MYO16: variants seen among roughly 807,000 people sequenced by gnomAD.
The protein encoded by MYO16 is unconventional myosin-XVI.
In MYO16, 94 loss-of-function variants were observed where a neutral mutation model predicts 205.3. That is an observed-to-expected ratio of 0.46 (90% confidence interval 0.39 to 0.54). The LOEUF (loss-of-function observed/expected upper bound fraction) is 0.54. MYO16 is among the 20% of genes least tolerant of loss of function. The pLI, the probability that MYO16 is intolerant of heterozygous loss-of-function variation, is 0.00. For synonymous variants in MYO16, 988 were observed against 954.0 expected (o/e 1.04, Z -0.66); for missense variants, 2,315 against 2,387.5 (o/e 0.97, Z 0.63).
intron 1 of MYO16, among the ~76,000 whole-genome samples, chr13:108,605,724 T>A (rs1050908855): frequency 6.6e-6 from 1 of 152,190 alleles, no homozygotes; most frequent in African/African-American, 2.4e-5. Context: ...CAGTTTGGGG[T>A]ATTTCTTCAT....
At chr13:108,555,359 TATG>T in the MYO16 span, among the ~76,000 whole-genome samples, 1 of 152,220 alleles carries the variant, frequency 6.6e-6, no homozygotes, top group African/African-American at 2.4e-5. Flanking sequence ...TTGTGTACAA[TATG>T]ATGTTTTGAA....
At chr13:108,877,669 A>G (rs185049952) in intron 12 of MYO16, among the ~76,000 whole-genome samples, 1 of 152,174 alleles carries the variant, frequency 6.6e-6, no homozygotes, top group African/African-American at 2.4e-5. Flanking sequence ...TTTAGTTTAT[A>G]TTTTTGCCCG....
At chr13:109,001,212 G>A (rs1026891887) in intron 21 of MYO16, among the ~76,000 whole-genome samples, 14 of 151,630 alleles carry the variant, frequency 9.2e-5, no homozygotes, top group African/African-American at 3.4e-4. Context: ...AAGAGAAGGG[G>A]ATTGGGAAAT....
intron 16 of MYO16, among the ~76,000 whole-genome samples, chr13:108,929,108 A>G (rs1427498375): frequency 6.6e-6 from 1 of 152,246 alleles, no homozygotes; most frequent in Non-Finnish European, 1.5e-5. Context: ...TTAACTGTAA[A>G]TGAAATTTTT....
intron 27 of MYO16, among the ~76,000 whole-genome samples, chr13:109,088,021 A>C (rs1888493317): frequency 6.6e-6 from 1 of 152,218 alleles, no homozygotes; most frequent in Non-Finnish European, 1.5e-5. Flanking sequence ...AAAGATATCG[A>C]TTTGAATGTA....
intron 20 of MYO16, among the ~76,000 whole-genome samples, chr13:108,967,688 C>T (rs138459239): frequency 1.3e-5 from 2 of 152,076 alleles, no homozygotes; most frequent in Admixed American, 1.3e-4. Context: ...AAAATAATAA[C>T]AGTAATAAAA....
chr13:108,879,199 G>A (rs1256374977), intron 12 of MYO16, among the ~76,000 whole-genome samples: 1 of 152,180 alleles, frequency 6.6e-6, no homozygotes, highest in African/African-American at 2.4e-5. Context: ...TGTAAGTGAA[G>A]ACATACAGTG....
At chr13:109,152,207 C>A (rs1429042843) in intron 32 of MYO16, among the ~76,000 whole-genome samples, 1 of 152,160 alleles carries the variant, frequency 6.6e-6, no homozygotes, top group African/African-American at 2.4e-5. Flanking sequence ...ACAAAGTCCC[C>A]TTAGATTTTT....
In MYO16 at chr13:109,022,554, A is replaced by G. The variant is rs908291484; in HGVS notation, c.2796+2643A>G. Among the ~76,000 whole-genome samples, 28 of 130,028 alleles carry G rather than the reference A, an allele frequency of 2.2e-4. 2 individuals are homozygous for G. The highest frequency in any genetic ancestry group is 1.6e-3 in the South Asian group (6 of 3,790). 85.3% of individuals were successfully genotyped at this position (130,028 alleles called of 152,430 possible). A position where few individuals can be genotyped will look rare whatever the true frequency, so the allele number is the denominator to read the frequency against. ...AATATAAACATATGTATATATTTCT[A>G]TATTCTACATACACATATAAACATA... is the stretch of plus-strand genomic sequence containing the variant. On this transcript the variant is annotated intron_variant, in intron 23 of 34. Coordinates refer to ENST00000457511, the MANE Select transcript of MYO16 (RefSeq NM_001198950.3).
intron 24 of MYO16, among the ~76,000 whole-genome samples, chr13:109,050,035 G>C (rs111230495): frequency 3.3e-5 from 5 of 149,518 alleles, no homozygotes; most frequent in African/African-American, 1.2e-4. Flanking sequence ...AAATAGTTTG[G>C]TGCCCACCCT....
chr13:109,100,809 C>T lies in MYO16; in HGVS notation c.3360C>T (p.Phe1120=), dbSNP rs1164839466. The change falls in exon 28 of 35, where the codon TTC becomes TTT. Residue 1120 remains phenylalanine, a synonymous_variant. Coordinates refer to ENST00000457511, the MANE Select transcript of MYO16 (RefSeq NM_001198950.3). ...LSRYKPLADT[F]LREKKEQSAA... ...GGTATAAGCCACTGGCTGATACATT[C>T]CTGCGTGAGAAGAAGGAACAGTCAG... 1.2e-6 allele frequency: 2 copies of T among 1,613,580 alleles called. No individual in the cohort carries two copies. The highest frequency in any genetic ancestry group is 1.3e-5 in the African/African-American group (1 of 75,010).
intron 4 of MYO16, among the ~76,000 whole-genome samples, chr13:108,772,727 T>A (rs1466503681): frequency 6.6e-6 from 1 of 152,346 alleles, no homozygotes; most frequent in East Asian, 1.9e-4. Context: ...ATATCCTTGT[T>A]CTTATAAAAT....
chr13:108,869,687 T>C lies in MYO16; in HGVS notation c.1425+3445T>C, dbSNP rs201894156. Among the ~76,000 whole-genome samples, 741 of 127,588 alleles carry C rather than the reference T, an allele frequency of 5.8e-3. 7 individuals carry two copies. Among genetic ancestry groups the C allele is most frequent in the East Asian group, 0.016 (74 of 4,592 alleles). 83.7% of individuals were successfully genotyped at this position (127,588 alleles called of 152,430 possible). A position where few individuals can be genotyped will look rare whatever the true frequency, so the allele number is the denominator to read the frequency against. On this transcript the variant is annotated intron_variant, in intron 12 of 34. Transcript: ENST00000457511. Reference sequence around the variant, plus strand: ...CGGAGGTTGCAGTGAGCCGAGATCGTGCCACTGCACTCCAGCCTGGGCGAC... The same window carrying C: ...CGGAGGTTGCAGTGAGCCGAGATCGCGCCACTGCACTCCAGCCTGGGCGAC...
chr13:108,766,807 G>T (rs943640053), intron 4 of MYO16, among the ~76,000 whole-genome samples: 1 of 152,132 alleles, frequency 6.6e-6, no homozygotes, highest in African/African-American at 2.4e-5. Flanking sequence ...TGATTCATTT[G>T]AAGGTTTAAC....
At chr13:109,119,767 C>G (rs1315900555) in intron 28 of MYO16, among the ~76,000 whole-genome samples, 2 of 152,184 alleles carry the variant, frequency 1.3e-5, no homozygotes, top group Non-Finnish European at 2.9e-5. Context: ...TTCATCCCTA[C>G]TACTGTTTGT....
At chr13:109,034,645 A>G (rs1349463048) in intron 23 of MYO16, among the ~76,000 whole-genome samples, 2 of 152,196 alleles carry the variant, frequency 1.3e-5, no homozygotes, top group Admixed American at 1.3e-4. Flanking sequence ...TTTACAAAAT[A>G]TTTTTAAAAG....
chr13:108,916,664 T>TAGC (rs1344474162), intron 16 of MYO16, among the ~76,000 whole-genome samples: 1 of 152,206 alleles, frequency 6.6e-6, no homozygotes, highest in African/African-American at 2.4e-5. Context: ...GTGGACAGTG[T>TAGC]AGCCATTATA....
At chr13:108,738,069 C>G (rs193010628) in intron 4 of MYO16, among the ~76,000 whole-genome samples, 86 of 152,194 alleles carry the variant, frequency 5.7e-4, no homozygotes, top group African/African-American at 1.7e-3. Flanking sequence ...TTTTGTTGAT[C>G]TTTTCAGAAA....
intron 27 of MYO16, among the ~76,000 whole-genome samples, chr13:109,081,198 C>A (rs1188433870): frequency 6.6e-6 from 1 of 152,146 alleles, no homozygotes; most frequent in Non-Finnish European, 1.5e-5. Flanking sequence ...TACAGATATA[C>A]TTTCTCAACA....
Sources: gnomAD v4.1 joint callset for allele counts (sites outside exome capture counted in the v4.1 genomes callset) on GRCh38, gnomAD v4.1.1 for gene constraint, MANE v1.5 for transcripts, NCBI Gene and HGNC (gene_info 2026-07-23, HGNC 2026-07-21) for gene names.